Variants in MAP2K5 observed in about 807,000 individuals in gnomAD.
MAP2K5 encodes dual specificity mitogen-activated protein kinase kinase 5.
MAP2K5 carries 49 observed loss-of-function variants against 83.1 expected under a neutral mutation model. The ratio of observed to expected loss-of-function variants is 0.59; its 90% CI spans 0.47 to 0.75. The LOEUF is 0.75. Ranked by LOEUF, MAP2K5 falls within the 30% of genes least tolerant of loss-of-function variation. The pLI is 0.00. For synonymous variants in MAP2K5, 202 were observed against 191.8 expected (o/e 1.05, Z -0.44); for missense variants, 457 against 557.5 (o/e 0.82, Z 1.82).
At chr15:67,687,431 T>C (rs1192497439) in intron 13 of MAP2K5, among the ~76,000 whole-genome samples, 1 of 152,190 alleles carries the variant, frequency 6.6e-6, no homozygotes, top group African/African-American at 2.4e-5. Flanking sequence ...ATAAACAACA[T>C]TGTTATCCTA....
intron 8 of MAP2K5, among the ~76,000 whole-genome samples, chr15:67,615,812 C>T (rs763367322): frequency 1.3e-4 from 20 of 151,998 alleles, no homozygotes; most frequent in African/African-American, 2.2e-4. Flanking sequence ...AAATTAATCT[C>T]GCAAGGTACT....
In MAP2K5 at chr15:67,638,860, G is replaced by A. The variant is rs372233315; in HGVS notation, c.586-7371G>A. Among the ~76,000 whole-genome samples the A allele has an allele frequency of 7.2e-5, 11 of 152,076 alleles. No individual in the cohort carries two copies. Among genetic ancestry groups the A allele is most frequent in the African/African-American group, 1.7e-4 (7 of 41,400 alleles). On this transcript the variant is annotated intron_variant, in intron 9 of 21. Coordinates refer to ENST00000178640, the MANE Select transcript of MAP2K5 (RefSeq NM_145160.3). This position sits in a 1 kb window ranked among gnomAD's most constrained non-coding sequence, Gnocchi z 4.5. Reference sequence around the variant, plus strand: ...GTTTTTCCATAGGATTGTTGGCCTCGTGTATATCTTCTTTTGAGAAGTGTC... The same window carrying A: ...GTTTTTCCATAGGATTGTTGGCCTCATGTATATCTTCTTTTGAGAAGTGTC...
intron 15 of MAP2K5, among the ~76,000 whole-genome samples, chr15:67,694,740 C>T (rs2088203721): frequency 6.6e-6 from 1 of 151,934 alleles, no homozygotes; most frequent in African/African-American, 2.4e-5. Context: ...ACCATTTGAC[C>T]CAGCCATCCC....
In MAP2K5 at chr15:67,555,093, G is replaced by A. The variant is rs2084597551; in HGVS notation, c.184+5011G>A. On this transcript the variant is annotated intron_variant, in intron 2 of 21. Transcript: ENST00000178640. The surrounding 1 kb of genome is among the most constrained non-coding windows in gnomAD (Gnocchi z 5.2). ...ATCTGTCTGCAGAACTCACCTTTTG[G>A]GCTGATGGTCCTAAACCTTGTTTTC... Among the ~76,000 whole-genome samples the A allele has an allele frequency of 6.6e-6, 1 of 152,108 alleles. No individual in the cohort carries two copies. The highest frequency in any genetic ancestry group is 6.5e-5 in the Admixed American group (1 of 15,278).
At position 67,561,227 on chromosome 15, in the gene MAP2K5, G is replaced by A. The variant is rs2084729917; in HGVS notation, c.185-2056G>A. Among the ~76,000 whole-genome samples the A allele has an allele frequency of 6.6e-6, 1 of 152,182 alleles. No homozygotes were observed. The highest frequency in any genetic ancestry group is 2.4e-5 in the African/African-American group (1 of 41,440). On this transcript the variant is annotated intron_variant, in intron 2 of 21. Transcript: ENST00000178640. This position sits in a 1 kb window ranked among gnomAD's most constrained non-coding sequence, Gnocchi z 4.2. Reference sequence around the variant, plus strand: ...GCAAAAATGTAAAGTGCTTTCATGTGTGGTGATATGTAACATTACATCATT... The same window carrying A: ...GCAAAAATGTAAAGTGCTTTCATGTATGGTGATATGTAACATTACATCATT...
chr15:67,694,906 A>G (rs2088209417), intron 15 of MAP2K5, among the ~76,000 whole-genome samples: 1 of 152,226 alleles, frequency 6.6e-6, no homozygotes, highest in South Asian at 2.1e-4. Flanking sequence ...TGGCACATAT[A>G]CACCATGGAA....
chr15:67,692,395 G>T, intron 13 of MAP2K5, 84 bp from the exon 14 acceptor site: 1 of 825,150 alleles, frequency 1.2e-6, no homozygotes, highest in East Asian at 2.6e-5. Flanking sequence ...CTGCAACTTG[G>T]TGTGGTGTGC....
rs2090300429 is a variant in MAP2K5 at position 67,779,882 on chromosome 15, G to A, written c.1242+7130G>A. Among the ~76,000 whole-genome samples, 1 of 152,166 alleles carries A rather than the reference G, an allele frequency of 6.6e-6. No homozygotes were observed. Among genetic ancestry groups the A allele is most frequent in the Non-Finnish European group, 1.5e-5 (1 of 68,042 alleles). The stretch of plus-strand genomic sequence containing the variant: ...AGATTTGCGGCAGCGGGAGGCTAAG[G>A]TGGGTCTTTAAAGTATGTTACACTT... On this transcript the variant is annotated intron_variant, in intron 21 of 21. Coordinates refer to ENST00000178640, the MANE Select transcript of MAP2K5 (RefSeq NM_145160.3). The surrounding 1 kb of genome is among the most constrained non-coding windows in gnomAD (Gnocchi z 4.6).
chr15:67,656,789 G>C (rs1003610447), intron 11 of MAP2K5, among the ~76,000 whole-genome samples: 5 of 152,046 alleles, frequency 3.3e-5, no homozygotes, highest in African/African-American at 1.2e-4. Context: ...GTCCTTTCCT[G>C]CCCTAATGTT....
chr15:67,612,048 C>T (rs1814895), intron 8 of MAP2K5, among the ~76,000 whole-genome samples: 124,780 of 150,070 alleles, frequency 0.83, 52,788 homozygotes, highest in Middle Eastern at 0.93. Flanking sequence ...ACACATGACT[C>T]CCTGGAAATT....
chr15:67,571,226 T>C (rs1484103871), intron 3 of MAP2K5, among the ~76,000 whole-genome samples: 3 of 152,152 alleles, frequency 2.0e-5, no homozygotes, highest in East Asian at 3.8e-4. Flanking sequence ...CCCAGAAAAT[T>C]CACATAATGC....
rs1240300494 is a variant in MAP2K5, at chr15:67,790,954, G to C, written c.1243-15692G>C. Among the ~76,000 whole-genome samples, 2 of 152,114 alleles carry C rather than the reference G, an allele frequency of 1.3e-5. No homozygotes were observed. The highest frequency in any genetic ancestry group is 4.8e-5 in the African/African-American group (2 of 41,398). ...TTACAGAAGACGAGTCAGAGCTAGG[G>C]GGAATAAGCTGTGTTGTAGAGAATG... is the stretch of plus-strand genomic sequence containing the variant. On this transcript the variant is annotated intron_variant, in intron 21 of 21. Transcript: ENST00000178640. The surrounding 1 kb of genome is among the most constrained non-coding windows in gnomAD (Gnocchi z 4.6).
chr15:67,679,803 A>C (rs2087770521), intron 13 of MAP2K5: 1 of 152,192 alleles, frequency 6.6e-6, no homozygotes, highest in African/African-American at 2.4e-5. Flanking sequence ...TTGTGTTTTG[A>C]GGTTGATTTT....
chr15:67,681,192 A>G (rs1259035238), intron 13 of MAP2K5, among the ~76,000 whole-genome samples: 2 of 152,226 alleles, frequency 1.3e-5, no homozygotes, highest in African/African-American at 4.8e-5. Context: ...AGATATCAAG[A>G]TATCAGATAT....
chr15:67,772,077 G>C (rs2090152796), intron 20 of MAP2K5, among the ~76,000 whole-genome samples: 1 of 152,212 alleles, frequency 6.6e-6, no homozygotes, highest in African/African-American at 2.4e-5. Context: ...TCTTTAAGCA[G>C]CTTAAACAAA....
At chr15:67,725,406 G>A (rs1020766746) in intron 16 of MAP2K5, among the ~76,000 whole-genome samples, 12 of 152,208 alleles carry the variant, frequency 7.9e-5, no homozygotes, top group Admixed American at 2.6e-4. Context: ...GTTTTAAGCC[G>A]TCCATTTACC....
At chr15:67,649,648 A>G (rs1224894525) in intron 11 of MAP2K5, among the ~76,000 whole-genome samples, 6 of 152,050 alleles carry the variant, frequency 3.9e-5, no homozygotes, top group African/African-American at 1.5e-4. Context: ...ATATTTCTGT[A>G]CTTTCAGATC....
chr15:67,548,131 A>G (rs557775238), intron 1 of MAP2K5, among the ~76,000 whole-genome samples: 2 of 152,146 alleles, frequency 1.3e-5, no homozygotes, highest in African/African-American at 2.4e-5. Context: ...GGTTGTTAGA[A>G]CTCTGCACTT....
chr15:67,583,047 T>C (rs866319933), intron 4 of MAP2K5, among the ~76,000 whole-genome samples: 7 of 152,218 alleles, frequency 4.6e-5, no homozygotes, highest in African/African-American at 1.7e-4. Context: ...GGCATTAATA[T>C]TGCTTTACGC....
Sources: gnomAD v4.1 joint callset for allele counts (sites outside exome capture counted in the v4.1 genomes callset) on GRCh38, gnomAD v4.1.1 for gene constraint, Gnocchi (gnomAD v3.1) non-coding constraint, MANE v1.5 for transcripts, NCBI Gene and HGNC (gene_info 2026-07-23, HGNC 2026-07-21) for gene names.